ATOSA: variants seen among roughly 807,000 people sequenced by gnomAD.
ATOSA encodes atos homolog A.
the ATOSA span, chr15:52,601,089 C>G: frequency 6.5e-7 from 1 of 1,527,058 alleles, no homozygotes; most frequent in Non-Finnish European, 8.8e-7. Context: ...TAAATACCTT[C>G]TAGATGAGAA....
At chr15:52,587,572 A>T in the ATOSA span, 7 of 159,372 alleles carry the variant, frequency 4.4e-5, no homozygotes, top group Non-Finnish European at 8.2e-5. Flanking sequence ...AGAAGCAAGT[A>T]ATTTATTGGT....
chr15:52,674,138 T>C, the ATOSA span, among the ~76,000 whole-genome samples: 1 of 152,198 alleles, frequency 6.6e-6, no homozygotes, highest in African/African-American at 2.4e-5. Context: ...TAAGCTCAGA[T>C]ATTAAAAATA....
the ATOSA span, among the ~76,000 whole-genome samples, chr15:52,699,117 CGGACAAGTA>C: frequency 6.6e-6 from 1 of 152,150 alleles, no homozygotes; most frequent in Non-Finnish European, 1.5e-5. Context: ...GCCCCAGCCT[CGGACAAGTA>C]AAAACCTAGG....
chr15:52,697,316 T>C, the ATOSA span, among the ~76,000 whole-genome samples: 1 of 152,198 alleles, frequency 6.6e-6, no homozygotes, highest in African/African-American at 2.4e-5. Flanking sequence ...AATGAGTTTC[T>C]CCCTCATCCT....
the ATOSA span, among the ~76,000 whole-genome samples, chr15:52,614,998 T>A: frequency 6.6e-6 from 1 of 152,226 alleles, no homozygotes; most frequent in East Asian, 1.9e-4. Flanking sequence ...AAGATACAGA[T>A]CCAACTGCAT....
chr15:52,652,653 C>G, the ATOSA span, among the ~76,000 whole-genome samples: 2 of 152,048 alleles, frequency 1.3e-5, no homozygotes, highest in Non-Finnish European at 2.9e-5. Flanking sequence ...ACCAGACTGA[C>G]TAGAAAAAGA....
the ATOSA span, chr15:52,611,394 C>T: frequency 4.4e-5 from 55 of 1,239,472 alleles, no homozygotes; most frequent in African/African-American, 6.5e-4. Flanking sequence ...TACGATGTCA[C>T]TTGAAGTCAC....
At chr15:52,639,574 G>A in the ATOSA span, among the ~76,000 whole-genome samples, 1 of 152,266 alleles carries the variant, frequency 6.6e-6, no homozygotes, top group African/African-American at 2.4e-5. Context: ...TTTATAAAAG[G>A]TCTTATCTAT....
At chr15:52,694,172 T>A in the ATOSA span, among the ~76,000 whole-genome samples, 36,477 of 139,106 alleles carry the variant, frequency 0.26, 4,580 homozygotes, top group Non-Finnish European at 0.27. Context: ...ATATATATTT[T>A]TTTTTTTTTT....
chr15:52,662,139 T>C, the ATOSA span, among the ~76,000 whole-genome samples: 1 of 152,138 alleles, frequency 6.6e-6, no homozygotes, highest in Non-Finnish European at 1.5e-5. Context: ...CACAATATAC[T>C]GAACAAACCT....
At chr15:52,699,000 T>C in the ATOSA span, among the ~76,000 whole-genome samples, 2 of 152,006 alleles carry the variant, frequency 1.3e-5, no homozygotes, top group African/African-American at 2.4e-5. Flanking sequence ...GTTGACTCAG[T>C]GAAAAAAAGA....
chr15:52,685,516 C>T, the ATOSA span, among the ~76,000 whole-genome samples: 5 of 151,926 alleles, frequency 3.3e-5, no homozygotes, highest in East Asian at 9.7e-4. Flanking sequence ...TTGCTGCAAC[C>T]TCTGCCTTCC....
chr15:52,645,958 C>T, the ATOSA span, among the ~76,000 whole-genome samples: 1 of 152,220 alleles, frequency 6.6e-6, no homozygotes, highest in Non-Finnish European at 1.5e-5. Flanking sequence ...TATCCCAGTG[C>T]TGTTTTTTTC....
At chr15:52,639,781 G>C in the ATOSA span, among the ~76,000 whole-genome samples, 2 of 152,004 alleles carry the variant, frequency 1.3e-5, no homozygotes, top group African/African-American at 4.8e-5. Flanking sequence ...ACAAAGTCTT[G>C]GTCTTGTGGC....
At chr15:52,619,125 C>T in the ATOSA span, among the ~76,000 whole-genome samples, 1 of 152,034 alleles carries the variant, frequency 6.6e-6, no homozygotes, top group Non-Finnish European at 1.5e-5. Context: ...AAAATATTAC[C>T]TAAGTACAAG....
the ATOSA span, among the ~76,000 whole-genome samples, chr15:52,645,873 T>C: frequency 1.3e-5 from 2 of 152,228 alleles, no homozygotes; most frequent in African/African-American, 4.8e-5. Context: ...AACAAACTCC[T>C]GCCTCTCAAA....
the ATOSA span, among the ~76,000 whole-genome samples, chr15:52,647,360 T>C: frequency 6.6e-6 from 1 of 152,216 alleles, no homozygotes; most frequent in Non-Finnish European, 1.5e-5. Flanking sequence ...GAAAATACTG[T>C]GGTCAGTTGA....
At chr15:52,689,479 T>A in the ATOSA span, among the ~76,000 whole-genome samples, 1 of 152,214 alleles carries the variant, frequency 6.6e-6, no homozygotes, top group African/African-American at 2.4e-5. Context: ...AAAATCAGTA[T>A]AGCTATTTGG....
the ATOSA span, chr15:52,605,118 A>G: frequency 6.5e-7 from 1 of 1,548,538 alleles, no homozygotes; most frequent in Non-Finnish European, 8.8e-7. Flanking sequence ...ATGAGATAAG[A>G]AAAAAAATGC....
Sources: allele counts gnomAD v4.1 joint callset (sites outside exome capture counted in the v4.1 genomes callset), GRCh38; gene constraint gnomAD v4.1.1; transcripts MANE v1.5; gene names NCBI Gene and HGNC (gene_info 2026-07-23, HGNC 2026-07-21).